POU3F3: variants seen among roughly 807,000 people sequenced by gnomAD.
The protein encoded by POU3F3 is POU class 3 homeobox 3.
Under a neutral mutation model 8.6 loss-of-function variants are expected in POU3F3, and 1 was observed. The ratio of observed to expected loss-of-function variants is 0.12; its 90% CI spans 0.04 to 0.55. The LOEUF (loss-of-function observed/expected upper bound fraction) is 0.55, where lower values mean the gene tolerates loss of function less well. POU3F3 is among the 20% of genes least tolerant of loss of function. The pLI is 0.91. For synonymous variants in POU3F3, 418 were observed against 327.4 expected, an observed-to-expected ratio of 1.28 and a Z score of -2.99; for missense variants, 577 against 690.7, an observed-to-expected ratio of 0.84 and a Z score of 1.84.
Position 104,855,674 on chromosome 2 carries a change from G to A in POU3F3, c.164G>A (p.Ser55Asn). 8.8e-7 allele frequency: 1 copy of A among 1,131,942 alleles called. No homozygotes were observed. The highest frequency in any genetic ancestry group is 1.1e-6 in the Non-Finnish European group (1 of 912,448). 70.1% of individuals were successfully genotyped at this position (1,131,942 alleles called of 1,614,324 possible). The change falls in exon 1 of 1, where the codon AGC becomes AAC. Residue 55 changes from serine to asparagine, a missense_variant. Ser to Asn is a conservative substitution (Grantham distance 46). Around this residue, in one of 7 missense-constraint regions of POU3F3, gnomAD observed 484 missense variants for 422.6 expected, o/e 1.15. Coordinates refer to ENST00000361360, the MANE Select transcript of POU3F3 (RefSeq NM_006236.3). ...GGGGGCGGCGGCATGCAGCCGGGCA[G>A]CGCCGCCGTGACCTCGGGCGCCTAC... is the stretch of plus-strand genomic sequence containing the variant. Reference protein sequence around the residue: ...GGGGGGMQPGSAAVTSGAYRG... With the variant: ...GGGGGGMQPGNAAVTSGAYRG...
chr2:104,856,358 C>T lies in POU3F3; in HGVS notation c.848C>T (p.Pro283Leu), dbSNP rs1395009622. ...CACCACCACGCGCATCCTCACCCGC[C>T]GCACCCGCACCACGCGCAGGGACCC... ...HHHHHAHPHP[P>L]HPHHAQGPPH... Residue 283 changes from proline (P) to leucine (L), a missense_variant, in exon 1 of 1, where the codon CCG (proline) becomes CTG (leucine). By Grantham distance (98) the Pro-to-Leu change is moderately conservative. Coordinates refer to ENST00000361360, the MANE Select transcript of POU3F3 (RefSeq NM_006236.3). 2 of 1,524,686 alleles carry T rather than the reference C, an allele frequency of 1.3e-6. No homozygotes were observed. The highest frequency in any genetic ancestry group is 1.2e-5 in the South Asian group (1 of 80,786). The allele number at this position is 1,524,686 out of a possible 1,614,324, so 94.4% of individuals were successfully genotyped here.
the POU3F3 span, chr2:104,868,046 T>C: frequency 2.8e-6 from 1 of 352,654 alleles, no homozygotes; most frequent in Non-Finnish European, 5.6e-6. Context: ...TGGGAAAGGA[T>C]TGGCGCCCCA....
chr2:104,875,846 A>G, the POU3F3 span, among the ~76,000 whole-genome samples: 1 of 152,086 alleles, frequency 6.6e-6, no homozygotes, highest in Non-Finnish European at 1.5e-5. Flanking sequence ...CCTTCCAAGT[A>G]GCAGGGACTA....
At chr2:104,893,778 G>A in the POU3F3 span, among the ~76,000 whole-genome samples, 1,559 of 151,934 alleles carry the variant, frequency 0.01, 44 homozygotes, top group Admixed American at 0.055. Flanking sequence ...AGCTACTCAG[G>A]AGGCTGAGGC....
chr2:104,917,093 C>A, the POU3F3 span, among the ~76,000 whole-genome samples: 1 of 152,278 alleles, frequency 6.6e-6, no homozygotes, highest in Non-Finnish European at 1.5e-5. Context: ...GTTCTCAGGC[C>A]TTCAGGCTCA....
At chr2:104,917,118 C>A in the POU3F3 span, among the ~76,000 whole-genome samples, 5 of 152,216 alleles carry the variant, frequency 3.3e-5, no homozygotes, top group Non-Finnish European at 7.3e-5. Flanking sequence ...AGAACTCACA[C>A]CACTGGCTCC....
chr2:104,925,607 C>G, the POU3F3 span, among the ~76,000 whole-genome samples: 1 of 152,184 alleles, frequency 6.6e-6, no homozygotes, highest in African/African-American at 2.4e-5. Context: ...GAGAAACATC[C>G]TCGAATGCAA....
At chr2:104,897,456 C>T in the POU3F3 span, among the ~76,000 whole-genome samples, 3 of 152,274 alleles carry the variant, frequency 2.0e-5, no homozygotes, top group Admixed American at 2.0e-4. Flanking sequence ...ACCTTCCCAC[C>T]TGCAATAGTG....
chr2:104,868,288 G>C, the POU3F3 span: 1 of 456,698 alleles, frequency 2.2e-6, no homozygotes. Context: ...GGAGCTCAGG[G>C]CCCGAGTTCA....
At chr2:104,880,584 T>A in the POU3F3 span, among the ~76,000 whole-genome samples, 3 of 152,202 alleles carry the variant, frequency 2.0e-5, no homozygotes, top group Admixed American at 6.5e-5. Flanking sequence ...TCCACATCAG[T>A]CCACTCTTAT....
the POU3F3 span, among the ~76,000 whole-genome samples, chr2:104,887,278 C>T: frequency 6.6e-6 from 1 of 152,190 alleles, no homozygotes; most frequent in East Asian, 1.9e-4. Flanking sequence ...TCTATCTCAT[C>T]CTGTGACTTA....
chr2:104,893,739 C>A, the POU3F3 span, among the ~76,000 whole-genome samples: 9 of 151,930 alleles, frequency 5.9e-5, no homozygotes, highest in African/African-American at 1.9e-4. Flanking sequence ...AAAAATGAGC[C>A]GGGCATGGTG....
At chr2:104,910,251 C>T in the POU3F3 span, among the ~76,000 whole-genome samples, 1 of 152,106 alleles carries the variant, frequency 6.6e-6, no homozygotes, top group Non-Finnish European at 1.5e-5. Context: ...CTTTGGGCTG[C>T]TCAACTTTCT....
the POU3F3 span, among the ~76,000 whole-genome samples, chr2:104,886,536 AC>A: frequency 6.6e-6 from 1 of 151,950 alleles, no homozygotes; most frequent in East Asian, 1.9e-4. Context: ...CCCAATCCAG[AC>A]CCCGAGAGAG....
At chr2:104,873,511 G>A in the POU3F3 span, among the ~76,000 whole-genome samples, 14 of 152,268 alleles carry the variant, frequency 9.2e-5, no homozygotes, top group South Asian at 2.9e-3. Flanking sequence ...TGTGCCCTGT[G>A]GCCAGCCCCG....
the POU3F3 span, among the ~76,000 whole-genome samples, chr2:104,922,562 C>T: frequency 2.6e-5 from 4 of 151,682 alleles, no homozygotes; most frequent in Admixed American, 6.6e-5. Context: ...TTTGAGCAGG[C>T]GGAAGAAAAA....
Position 104,857,119 on chromosome 2 carries a change from C to T in POU3F3, c.*106C>T. 5.1e-6 allele frequency: 5 copies of T among 971,868 alleles called. No homozygotes were observed. Among genetic ancestry groups the T allele is most frequent in the East Asian group, 1.1e-4 (1 of 8,858 alleles). The allele number at this position is 971,868 out of a possible 1,614,324, so 60.2% of individuals were successfully genotyped here. A position where few individuals can be genotyped will look rare whatever the true frequency, so the allele number is the denominator to read the frequency against. ...GCCGCCGCCGCCGCCGCCGCCGCTG[C>T]CGCCGCCGCGCCGACCCTGCACCTG... is the stretch of plus-strand genomic sequence containing the variant. On this transcript the variant is annotated 3_prime_UTR_variant, in exon 1 of 1. Coordinates refer to ENST00000361360, the MANE Select transcript of POU3F3 (RefSeq NM_006236.3).
At chr2:104,860,196 TG>T (rs1336467128), downstream of POU3F3, among the ~76,000 whole-genome samples, 4 of 152,352 alleles carry the variant, frequency 2.6e-5, no homozygotes, top group Admixed American at 2.6e-4. Context: ...ATCCCTGATT[TG>T]GGGGTAGCAG....
At chr2:104,885,845 T>C in the POU3F3 span, among the ~76,000 whole-genome samples, 1 of 152,176 alleles carries the variant, frequency 6.6e-6, no homozygotes, top group Admixed American at 6.5e-5. Context: ...TCCCCCAGGC[T>C]GGAGTGTGAT....
Sources: gnomAD v4.1 joint callset for allele counts (sites outside exome capture counted in the v4.1 genomes callset) on GRCh38, gnomAD v4.1.1 for gene constraint, gnomAD v4.1.1 regional missense constraint, MANE v1.5 for transcripts, NCBI Gene and HGNC (gene_info 2026-07-23, HGNC 2026-07-21) for gene names.